The following AFDN variants were observed in gnomAD, a reference collection of about 807,000 sequenced individuals.
AFDN encodes afadin, adherens junction formation factor.
Under a neutral mutation model 216.6 loss-of-function variants are expected in AFDN, and 68 were observed. The ratio of observed to expected loss-of-function variants is 0.31; its 90% confidence interval spans 0.26 to 0.38. The LOEUF is 0.38. AFDN is among the 10% of genes least tolerant of loss of function. The pLI is 1.00. For synonymous variants in AFDN, 868 were observed against 853.7 expected, an observed-to-expected ratio of 1.02 and a Z score of -0.29; for missense variants, 2,136 against 2,342.0, an observed-to-expected ratio of 0.91 and a Z score of 1.82.
chr6:167,960,638 A>G (rs1234252199), intron 30 of AFDN, among the ~76,000 whole-genome samples: 3 of 152,156 alleles, frequency 2.0e-5, no homozygotes, highest in Admixed American at 6.5e-5. Context: ...TTATTTTGCT[A>G]TTTTTGTTTG....
At chr6:167,882,042 G>C (rs969877373) in intron 6 of AFDN, among the ~76,000 whole-genome samples, 1 of 152,000 alleles carries the variant, frequency 6.6e-6, no homozygotes, top group Non-Finnish European at 1.5e-5. Flanking sequence ...TTTAAAACGG[G>C]GACAGATAAC....
In AFDN at chr6:167,864,206, G is replaced by A. The variant is rs1459790326; in HGVS notation, c.106-345G>A. 5.8e-6 allele frequency: 3 copies of A among 513,462 alleles called. No homozygotes were observed. In the Admixed American group the frequency reaches 6.1e-5, roughly 10 times the overall value. 31.8% of individuals were successfully genotyped at this position (513,462 alleles called of 1,614,324 possible). A position where few individuals can be genotyped will look rare whatever the true frequency, so the allele number is the denominator to read the frequency against. On this transcript the variant is annotated intron_variant, in intron 1 of 33. Transcript: ENST00000683244. ...TTGGACAACTAGATCTTGAAATAGG[G>A]TTAAATAATAGTATCTGTTGAGCTG...
chr6:167,872,238 A>G lies in AFDN; in HGVS notation c.439A>G (p.Lys147Glu), dbSNP rs375417095. Residue 147 changes from lysine (K) to glutamate (E), a missense_variant, in exon 4 of 34, where the codon AAG becomes GAG. Lys to Glu is a moderately conservative substitution (Grantham distance 56, BLOSUM62 1). Coordinates refer to ENST00000683244, the MANE Select transcript of AFDN (RefSeq NM_001386888.1). ...GAAGGCTCAAAGTAATGGACCTGAA[A>G]AGCAGGAAAAAGAAGGGGTTATCCA... ...PKKAQSNGPE[K>E]QEKEGVIQNF... The G allele has an allele frequency of 2.5e-6, 4 of 1,612,070 alleles. No individual in the cohort carries two copies. Among genetic ancestry groups the G allele is most frequent in the Non-Finnish European group, 3.4e-6 (4 of 1,179,526 alleles).
At chr6:167,880,829 GTCTATC>G (rs2128296914) in intron 6 of AFDN, among the ~76,000 whole-genome samples, 1 of 152,236 alleles carries the variant, frequency 6.6e-6, no homozygotes, top group East Asian at 1.9e-4. Flanking sequence ...TGATACATAT[GTCTATC>G]TTTTTACCAA....
In AFDN at chr6:167,914,105, C is replaced by G. The variant is rs909381928; in HGVS notation, c.2059-63C>G. On this transcript the variant is annotated intron_variant, in intron 16 of 33. Transcript: ENST00000683244. ...TCTTCAGCAGCTTTTCAAGAGCATT[C>G]CTTTATATTTTTATTACTTTTGTTT... is the stretch of plus-strand genomic sequence containing the variant. The G allele has an allele frequency of 3.8e-6, 6 of 1,568,648 alleles. No individual in the cohort carries two copies. The African/African-American group carries it at 4.1e-5, about 11-fold the overall frequency.
chr6:167,827,256 G>C lies in AFDN; in HGVS notation c.105+19G>C. ...GACCGAGGTGAGCACCGCCGGGCGC[G>C]GGGCCTGCGCGACCCCCGCCCGCTG... On this transcript the variant is annotated intron_variant, in intron 1 of 33. Coordinates refer to ENST00000683244, the MANE Select transcript of AFDN (RefSeq NM_001386888.1). 4 of 1,070,754 alleles carry C rather than the reference G, an allele frequency of 3.7e-6. No homozygotes were observed. Among genetic ancestry groups the C allele is most frequent in the Middle Eastern group, 4.1e-4 (1 of 2,440 alleles). The allele number at this position is 1,070,754 out of a possible 1,614,324, so 66.3% of individuals were successfully genotyped here. A position where few individuals can be genotyped will look rare whatever the true frequency, so the allele number is the denominator to read the frequency against.
At chr6:167,965,671 G>A (rs1454595854) in intron 31 of AFDN, 86 bp from the exon 32 acceptor site, 2 of 1,258,156 alleles carry the variant, frequency 1.6e-6, no homozygotes, top group Admixed American at 5.7e-5. Flanking sequence ...GTGTGATGAT[G>A]AGGATTGTTC....
chr6:167,864,791 G>A, intron 2 of AFDN, 45 bp downstream of exon 2: 1 of 1,576,620 alleles, frequency 6.3e-7, no homozygotes, highest in Non-Finnish European at 8.7e-7. Flanking sequence ...GACCTGACCT[G>A]TGAAGAGACA....
At chr6:167,882,236 G>A (rs1479216992) in intron 6 of AFDN, among the ~76,000 whole-genome samples, 1 of 151,996 alleles carries the variant, frequency 6.6e-6, no homozygotes, top group East Asian at 1.9e-4. Context: ...GTAAATAAGC[G>A]ATAGAGGGGG....
At chr6:167,892,608 G>A (rs1562621879) in intron 8 of AFDN, among the ~76,000 whole-genome samples, 1 of 152,162 alleles carries the variant, frequency 6.6e-6, no homozygotes, top group Non-Finnish European at 1.5e-5. Context: ...AGATAGCAGA[G>A]ACAGGATGAG....
At chr6:167,964,878 C>G (rs1207097907) in intron 31 of AFDN, 3 of 1,064,560 alleles carry the variant, frequency 2.8e-6, no homozygotes, top group Non-Finnish European at 3.4e-6. Context: ...TTCTTGTGCT[C>G]TAAAACTTTT....
intron 12 of AFDN, among the ~76,000 whole-genome samples, chr6:167,903,575 T>C (rs1410009878): frequency 6.6e-6 from 1 of 152,220 alleles, no homozygotes; most frequent in Non-Finnish European, 1.5e-5. Context: ...CAAGGTGTGA[T>C]TTATTGAATG....
At chr6:167,884,002 A>G (rs1315977635) in intron 6 of AFDN, among the ~76,000 whole-genome samples, 1 of 152,210 alleles carries the variant, frequency 6.6e-6, no homozygotes, top group Admixed American at 6.5e-5. Flanking sequence ...AACTAAGTTT[A>G]TATAATATTT....
chr6:167,862,812 C>A (rs140989621), intron 1 of AFDN, among the ~76,000 whole-genome samples: 49 of 152,346 alleles, frequency 3.2e-4, no homozygotes, highest in African/African-American at 1.1e-3. Context: ...AGCAGGACTC[C>A]TACTCATGTA....
At chr6:167,945,228 C>G (rs1795127122) in intron 26 of AFDN, among the ~76,000 whole-genome samples, 1 of 151,904 alleles carries the variant, frequency 6.6e-6, no homozygotes, top group East Asian at 1.9e-4. Flanking sequence ...CACACATTAG[C>G]TTCGGCCTGC....
intron 31 of AFDN, chr6:167,964,823 C>T: frequency 8.4e-6 from 9 of 1,066,164 alleles, no homozygotes; most frequent in Non-Finnish European, 1.0e-5. Flanking sequence ...TTACTCGAGG[C>T]AGTTTATTCT....
At chr6:167,915,109 C>G in intron 18 of AFDN, 59 bp from the exon 19 acceptor site, 3 of 1,575,806 alleles carry the variant, frequency 1.9e-6, no homozygotes, top group Non-Finnish European at 2.6e-6. Context: ...GCTGCACATT[C>G]AAAGGCTTCT....
chr6:167,858,587 G>C (rs182870128), intron 1 of AFDN, among the ~76,000 whole-genome samples: 2 of 152,328 alleles, frequency 1.3e-5, no homozygotes, highest in Admixed American at 1.3e-4. Flanking sequence ...CTAGTACAGT[G>C]GTTGGTTCAC....
intron 1 of AFDN, chr6:167,864,266 A>G (rs1451636045): frequency 2.7e-5 from 17 of 626,638 alleles, no homozygotes; most frequent in Admixed American, 2.6e-4. Context: ...TGGTGTGCCT[A>G]CCACTTGCCA....
Sources: allele counts gnomAD v4.1 joint callset (sites outside exome capture counted in the v4.1 genomes callset), GRCh38; gene constraint gnomAD v4.1.1; transcripts MANE v1.5; gene names NCBI Gene and HGNC (gene_info 2026-07-23, HGNC 2026-07-21).